Variants in ASPRV1 observed in about 807,000 individuals in gnomAD.
The protein encoded by ASPRV1 is retroviral-like aspartic protease 1.
In ASPRV1, 7 loss-of-function variants were observed where a neutral mutation model predicts 11.0. That is an observed-to-expected ratio of 0.64 (90% confidence interval 0.36 to 1.20). The LOEUF (loss-of-function observed/expected upper bound fraction) is 1.20, where lower values mean the gene tolerates loss of function less well. Among genes scored for constraint, ASPRV1 ranks in the 50% most tolerant of loss-of-function variants. The pLI is 0.02. For missense variants in ASPRV1, 299 were observed against 320.0 expected (o/e 0.93, Z 0.50); for synonymous variants, 136 against 138.4 (o/e 0.98, Z 0.12).
At chr2:69,943,098 A>G in the ASPRV1 span, among the ~76,000 whole-genome samples, 1 of 152,072 alleles carries the variant, frequency 6.6e-6, no homozygotes, top group African/African-American at 2.4e-5. Context: ...GAGGATTGAG[A>G]TTGTGTGGCT....
At chr2:69,941,435 T>G in the ASPRV1 span, 2 of 152,240 alleles carry the variant, frequency 1.3e-5, no homozygotes, top group African/African-American at 4.8e-5. Flanking sequence ...AATGCTAGTT[T>G]AGTGATTCAA....
At chr2:70,076,580 G>A in the ASPRV1 span, among the ~76,000 whole-genome samples, 1 of 152,110 alleles carries the variant, frequency 6.6e-6, no homozygotes, top group South Asian at 2.1e-4. Flanking sequence ...TTATGATGAG[G>A]TTACATCTCG....
chr2:69,950,111 C>T, the ASPRV1 span, among the ~76,000 whole-genome samples: 2 of 152,294 alleles, frequency 1.3e-5, no homozygotes, highest in East Asian at 1.9e-4. Flanking sequence ...CCACTACACC[C>T]GGCCAGCACA....
chr2:69,994,098 G>A, the ASPRV1 span: 1 of 152,260 alleles, frequency 6.6e-6, no homozygotes, highest in Non-Finnish European at 1.5e-5. Context: ...ACTTGCACGT[G>A]GAATGCTCCT....
chr2:69,946,119 CTGTT>C, the ASPRV1 span, among the ~76,000 whole-genome samples: 1 of 152,164 alleles, frequency 6.6e-6, no homozygotes, highest in Admixed American at 6.5e-5. Context: ...GAACCAGTAT[CTGTT>C]TAGTTACAAG....
At chr2:70,074,584 T>TA in the ASPRV1 span, among the ~76,000 whole-genome samples, 48 of 151,300 alleles carry the variant, frequency 3.2e-4, no homozygotes, top group Middle Eastern at 3.4e-3. Flanking sequence ...CCCCAACCCC[T>TA]TTGTTTAATG....
chr2:70,057,995 A>G, the ASPRV1 span, among the ~76,000 whole-genome samples: 2 of 151,224 alleles, frequency 1.3e-5, no homozygotes, highest in Admixed American at 1.3e-4. Context: ...GCGTTTCACC[A>G]TGTTGGCCAG....
chr2:70,043,772 A>C, the ASPRV1 span, among the ~76,000 whole-genome samples: 1 of 152,190 alleles, frequency 6.6e-6, no homozygotes, highest in African/African-American at 2.4e-5. Flanking sequence ...TCAGTACATC[A>C]CAGTAAACCA....
chr2:70,066,821 C>T, the ASPRV1 span, among the ~76,000 whole-genome samples: 2 of 151,300 alleles, frequency 1.3e-5, no homozygotes, highest in African/African-American at 4.9e-5. Context: ...AACTCCTGGG[C>T]TCAAGCGATC....
At chr2:70,044,647 C>T in the ASPRV1 span, among the ~76,000 whole-genome samples, 3 of 151,912 alleles carry the variant, frequency 2.0e-5, no homozygotes, top group Admixed American at 6.6e-5. Context: ...TTAGTAGAGA[C>T]GGGGTTTCTC....
the ASPRV1 span, among the ~76,000 whole-genome samples, chr2:69,972,154 C>T: frequency 3.3e-5 from 5 of 151,710 alleles, no homozygotes; most frequent in Admixed American, 6.6e-5. Flanking sequence ...CTCCGCCTCC[C>T]GGGTTCAAGA....
At chr2:69,993,183 G>C in the ASPRV1 span, among the ~76,000 whole-genome samples, 1 of 152,112 alleles carries the variant, frequency 6.6e-6, no homozygotes, top group African/African-American at 2.4e-5. Flanking sequence ...GCCACGTAGC[G>C]AAGAGGGCAG....
At chr2:70,040,920 A>G in the ASPRV1 span, among the ~76,000 whole-genome samples, 1 of 152,216 alleles carries the variant, frequency 6.6e-6, no homozygotes, top group African/African-American at 2.4e-5. Context: ...AGATCTCTGA[A>G]TGCCCATTTC....
the ASPRV1 span, among the ~76,000 whole-genome samples, chr2:69,991,262 T>A: frequency 6.6e-6 from 1 of 152,100 alleles, no homozygotes; most frequent in Non-Finnish European, 1.5e-5. Flanking sequence ...CTGTGCTAGG[T>A]CCTTGCCTCC....
chr2:69,981,213 A>G, the ASPRV1 span, among the ~76,000 whole-genome samples: 12 of 152,364 alleles, frequency 7.9e-5, no homozygotes, highest in Admixed American at 5.2e-4. Context: ...ACCACTTGTG[A>G]TAATTACAAA....
chr2:70,005,551 TC>T, the ASPRV1 span, among the ~76,000 whole-genome samples: 1 of 152,228 alleles, frequency 6.6e-6, no homozygotes, highest in East Asian at 1.9e-4. Context: ...TTCCTTCTTG[TC>T]AGCTTATTTT....
At chr2:69,947,540 C>T in the ASPRV1 span, among the ~76,000 whole-genome samples, 1 of 152,076 alleles carries the variant, frequency 6.6e-6, no homozygotes, top group East Asian at 1.9e-4. Flanking sequence ...CTTCTCTGGC[C>T]TTGGCTTTTA....
At chr2:69,948,786 G>T in the ASPRV1 span, among the ~76,000 whole-genome samples, 1 of 151,990 alleles carries the variant, frequency 6.6e-6, no homozygotes, top group African/African-American at 2.4e-5. Context: ...CACGCCCCCC[G>T]CCTCCCCTGT....
At chr2:70,025,011 A>T in the ASPRV1 span, among the ~76,000 whole-genome samples, 1 of 152,232 alleles carries the variant, frequency 6.6e-6, no homozygotes, top group Non-Finnish European at 1.5e-5. Context: ...AGCTCAAATA[A>T]ATGTTCCACA....
Sources: gnomAD v4.1 joint callset for allele counts (sites outside exome capture counted in the v4.1 genomes callset) on GRCh38, gnomAD v4.1.1 for gene constraint, MANE v1.5 for transcripts, NCBI Gene and HGNC (gene_info 2026-07-23, HGNC 2026-07-21) for gene names.